The following CTNND2 variants were observed in gnomAD, a reference collection of about 807,000 sequenced individuals.
CTNND2 encodes the protein catenin delta-2.
A neutral mutation model predicts 144.4 loss-of-function variants in CTNND2; 22 were observed. The observed-to-expected ratio is 0.15, with a 90% CI of 0.11 to 0.22. The LOEUF is 0.22. Ranked by LOEUF, CTNND2 falls within the 10% of genes least tolerant of loss-of-function variation. CTNND2 has a pLI of 1.00. For synonymous variants in CTNND2, 751 were observed against 695.6 expected (o/e 1.08, Z -1.25); for missense variants, 1,353 against 1,618.8 (o/e 0.84, Z 2.82).
At chr5:10,977,219 C>G (rs1736605089) in intron 21 of CTNND2, among the ~76,000 whole-genome samples, 1 of 152,196 alleles carries the variant, frequency 6.6e-6, no homozygotes, top group Admixed American at 6.5e-5. Context: ...CAGACAATTA[C>G]AACTGGCCTG....
intron 1 of CTNND2, among the ~76,000 whole-genome samples, chr5:11,864,113 T>G (rs1795628832): frequency 6.6e-6 from 1 of 152,120 alleles, no homozygotes; most frequent in East Asian, 1.9e-4. Context: ...TTGACTTGCT[T>G]TGTCTTCCTC....
intron 2 of CTNND2, among the ~76,000 whole-genome samples, chr5:11,676,293 C>T (rs2126614565): frequency 6.6e-6 from 1 of 152,222 alleles, no homozygotes; most frequent in East Asian, 1.9e-4. Flanking sequence ...CTTTCTATGT[C>T]ACACTCAACT....
chr5:11,098,795 C>A (rs771483974), intron 14 of CTNND2, 47 bp from the exon 15 acceptor site: 1 of 1,582,648 alleles, frequency 6.3e-7, no homozygotes, highest in Admixed American at 1.7e-5. Flanking sequence ...CATCTTTATG[C>A]TTCCCAACTT....
At chr5:11,162,926 C>CAT (rs1392726552) in intron 11 of CTNND2, among the ~76,000 whole-genome samples, 1 of 143,178 alleles carries the variant, frequency 7.0e-6, no homozygotes, top group African/African-American at 2.8e-5. Context: ...CAGACACACA[C>CAT]ACACACATGT....
At chr5:11,275,514 T>C (rs920146155) in intron 9 of CTNND2, among the ~76,000 whole-genome samples, 1 of 152,194 alleles carries the variant, frequency 6.6e-6, no homozygotes, top group Non-Finnish European at 1.5e-5. Context: ...ATCTGCTTCT[T>C]AGTCTCTTCC....
chr5:11,242,685 C>T (rs1742576110), intron 9 of CTNND2, among the ~76,000 whole-genome samples: 1 of 152,130 alleles, frequency 6.6e-6, no homozygotes. Flanking sequence ...TCAACATGTA[C>T]TGTATTTGAT....
At chr5:11,145,790 C>T (rs28660065) in intron 12 of CTNND2, among the ~76,000 whole-genome samples, 12,988 of 152,164 alleles carry the variant, frequency 0.085, 1,809 homozygotes, top group African/African-American at 0.29. Context: ...CTCCAAATGA[C>T]GCTCCTTCAC....
At chr5:11,660,564 A>C (rs1249527140) in intron 2 of CTNND2, among the ~76,000 whole-genome samples, 1 of 152,130 alleles carries the variant, frequency 6.6e-6, no homozygotes, top group Non-Finnish European at 1.5e-5. Context: ...AGGATTTCAT[A>C]TACAGGTAGG....
intron 2 of CTNND2, among the ~76,000 whole-genome samples, chr5:11,628,829 C>T (rs1212771445): frequency 6.6e-6 from 1 of 151,734 alleles, no homozygotes; most frequent in African/African-American, 2.4e-5. Flanking sequence ...ACACAAAACA[C>T]AATGGCCATC....
At chr5:11,838,605 A>C (rs1794301132) in intron 1 of CTNND2, among the ~76,000 whole-genome samples, 1 of 152,214 alleles carries the variant, frequency 6.6e-6, no homozygotes, top group African/African-American at 2.4e-5. Context: ...ACATTTTAGA[A>C]TGAAGGTCAG....
chr5:11,226,933 A>C (rs1293138389), intron 10 of CTNND2, among the ~76,000 whole-genome samples: 1 of 152,232 alleles, frequency 6.6e-6, no homozygotes, highest in Non-Finnish European at 1.5e-5. Flanking sequence ...ACATATCAAT[A>C]TATCAAGTAC....
At chr5:11,376,410 G>T (rs1026250118) in intron 7 of CTNND2, among the ~76,000 whole-genome samples, 2 of 150,824 alleles carry the variant, frequency 1.3e-5, no homozygotes, top group African/African-American at 4.9e-5. Context: ...TTCTATTTTG[G>T]TCTCTCTTTT....
intron 2 of CTNND2, among the ~76,000 whole-genome samples, chr5:11,572,025 T>G (rs1337819892): frequency 6.6e-6 from 1 of 152,166 alleles, no homozygotes; most frequent in Non-Finnish European, 1.5e-5. Context: ...TTTAAAAGTC[T>G]TACTGCCATT....
intron 1 of CTNND2, among the ~76,000 whole-genome samples, chr5:11,835,906 T>C (rs1794151936): frequency 6.6e-6 from 1 of 152,182 alleles, no homozygotes; most frequent in Non-Finnish European, 1.5e-5. Context: ...AGCTGGGAGA[T>C]TAGATTACTG....
chr5:11,460,538 G>C (rs1335788022), intron 3 of CTNND2, among the ~76,000 whole-genome samples: 1 of 152,172 alleles, frequency 6.6e-6, no homozygotes, highest in Non-Finnish European at 1.5e-5. Flanking sequence ...CACTAACTGA[G>C]TGATGCTCTA....
chr5:11,835,550 T>C, intron 1 of CTNND2, among the ~76,000 whole-genome samples: 1 of 152,174 alleles, frequency 6.6e-6, no homozygotes. Context: ...GTAGTTTGTG[T>C]TTCTTGAGGA....
chr5:11,386,949 T>G lies in CTNND2; in HGVS notation c.613-1720A>C, dbSNP rs368411579. Among the ~76,000 whole-genome samples, 14 of 152,260 alleles carry G rather than the reference T, an allele frequency of 9.2e-5. No individual in the cohort carries two copies. In the South Asian group the frequency reaches 1.0e-3, roughly 11 times the overall value. On this transcript the variant is annotated intron_variant, in intron 6 of 21. Coordinates refer to ENST00000304623, the MANE Select transcript of CTNND2 (RefSeq NM_001332.4). ...TCCAGAGTCATTGAGGGGGTGGCTT[T>G]GATGCAATTTTGCTTCTCTCCCAGT...
At chr5:11,267,821 TAGAG>T (rs1170604562) in intron 9 of CTNND2, among the ~76,000 whole-genome samples, 6 of 152,188 alleles carry the variant, frequency 3.9e-5, no homozygotes, top group Non-Finnish European at 1.5e-5. Flanking sequence ...CTAGATCCCT[TAGAG>T]AGAAGAATGA....
intron 1 of CTNND2, among the ~76,000 whole-genome samples, chr5:11,816,060 G>A (rs760001002): frequency 2.2e-4 from 34 of 152,138 alleles, no homozygotes; most frequent in African/African-American, 8.0e-4. Context: ...CAGTTGGAGC[G>A]TGCCTGTGAG....
Sources: allele counts gnomAD v4.1 joint callset (sites outside exome capture counted in the v4.1 genomes callset), GRCh38; gene constraint gnomAD v4.1.1; transcripts MANE v1.5; gene names NCBI Gene and HGNC (gene_info 2026-07-23, HGNC 2026-07-21).